The following DMRT1 variants were observed in gnomAD, a reference collection of about 807,000 sequenced individuals.
DMRT1 encodes the protein doublesex- and mab-3-related transcription factor 1.
Under a neutral mutation model 32.3 loss-of-function variants are expected in DMRT1, and 7 were observed. The ratio of observed to expected loss-of-function variants is 0.22; its 90% CI spans 0.12 to 0.41. The LOEUF (loss-of-function observed/expected upper bound fraction) is 0.41, where lower values mean the gene tolerates loss of function less well. Among genes scored for constraint, DMRT1 ranks in the 10% least tolerant of loss-of-function variants. DMRT1 has a pLI of 1.00. For synonymous variants in DMRT1, 278 were observed against 206.1 expected, an observed-to-expected ratio of 1.35 and a Z score of -2.99; for missense variants, 625 against 500.5, an observed-to-expected ratio of 1.25 and a Z score of -2.37.
rs1219583734 is a variant in DMRT1 at position 842,654 on chromosome 9, G to C, written c.354+462G>C. 3 of 157,006 alleles carry C rather than the reference G, an allele frequency of 1.9e-5. No individual in the cohort carries two copies. The East Asian group carries it at 5.7e-4, about 30-fold the overall frequency. The allele number at this position is 157,006 out of a possible 1,614,324, so 9.7% of individuals were successfully genotyped here. On this transcript the variant is annotated intron_variant, in intron 1 of 4. Transcript: ENST00000382276. ...GCGGCGCTTGGGGTCCTGGGCTCCC[G>C]GCCACGCTACATCGCCGGTCTGGGA...
intron 4 of DMRT1, among the ~76,000 whole-genome samples, chr9:930,603 T>C (rs1284208098): frequency 2.6e-5 from 4 of 151,828 alleles, no homozygotes; most frequent in Non-Finnish European, 5.9e-5. Flanking sequence ...AGAGACAGGG[T>C]TTCACCATGT....
rs1000068415 is a variant in DMRT1, at chr9:866,198, G to A, written c.538+19055G>A. Among the ~76,000 whole-genome samples the A allele has an allele frequency of 4.0e-5, 6 of 151,242 alleles. No homozygotes were observed. The South Asian group carries it at 6.3e-4, about 16-fold the overall frequency. ...AAAAAAAAAAAAAAGACAGTGGTGG[G>A]TGTTTTATAACCACACAAATACTCA... On this transcript the variant is annotated intron_variant, in intron 2 of 4. Transcript: ENST00000382276.
intron 2 of DMRT1, among the ~76,000 whole-genome samples, chr9:850,998 C>T (rs769193092): frequency 5.6e-5 from 8 of 143,734 alleles, no homozygotes; most frequent in African/African-American, 1.0e-4. Flanking sequence ...CATTGCACTC[C>T]GGCCTGGGCG....
At chr9:943,049 G>T (rs1222438426) in intron 4 of DMRT1, among the ~76,000 whole-genome samples, 2 of 151,942 alleles carry the variant, frequency 1.3e-5, no homozygotes, top group Non-Finnish European at 2.9e-5. Context: ...CTTAGTTTGG[G>T]TTTCACATAA....
At chr9:843,151 C>T (rs927010491) in intron 1 of DMRT1, among the ~76,000 whole-genome samples, 3 of 152,196 alleles carry the variant, frequency 2.0e-5, no homozygotes, top group Admixed American at 1.3e-4. Context: ...TGCTGAGTTG[C>T]ACTTAAATTA....
intron 2 of DMRT1, among the ~76,000 whole-genome samples, chr9:893,693 A>T (rs1170888208): frequency 6.6e-6 from 1 of 152,248 alleles, no homozygotes; most frequent in Non-Finnish European, 1.5e-5. Context: ...TGATACTCTC[A>T]GTAAAAACAA....
chr9:905,730 G>A (rs1054629176), intron 3 of DMRT1, among the ~76,000 whole-genome samples: 1 of 152,114 alleles, frequency 6.6e-6, no homozygotes, highest in African/African-American at 2.4e-5. Flanking sequence ...ACGCTGCTGG[G>A]CACTTCCTGT....
At chr9:894,419 T>G in intron 3 of DMRT1, 2 of 596,870 alleles carry the variant, frequency 3.4e-6, no homozygotes, top group Non-Finnish European at 3.0e-6. Flanking sequence ...ATAATGCCCT[T>G]TAGCCTCAAA....
At chr9:889,736 C>T (rs1817066860) in intron 2 of DMRT1, among the ~76,000 whole-genome samples, 1 of 151,750 alleles carries the variant, frequency 6.6e-6, no homozygotes, top group Non-Finnish European at 1.5e-5. Context: ...TGCTGGAATC[C>T]TTGGGTTTCT....
chr9:946,054 T>G (rs1481025396), intron 4 of DMRT1, among the ~76,000 whole-genome samples: 1 of 152,184 alleles, frequency 6.6e-6, no homozygotes, highest in Non-Finnish European at 1.5e-5. Flanking sequence ...AACTGGCACC[T>G]ACTATTCCAC....
intron 3 of DMRT1, among the ~76,000 whole-genome samples, chr9:898,501 G>C (rs983106291): frequency 5.9e-5 from 9 of 152,128 alleles, no homozygotes; most frequent in African/African-American, 2.2e-4. Context: ...TTCCTGGAAG[G>C]CTCTCTCACT....
At chr9:861,808 G>A (rs759199790) in intron 2 of DMRT1, among the ~76,000 whole-genome samples, 45,466 of 146,898 alleles carry the variant, frequency 0.31, 9,057 homozygotes, top group Non-Finnish European at 0.43. Context: ...TGCCGGGCGG[G>A]GGGGGGCTCC....
chr9:861,211 T>A (rs1355458116), intron 2 of DMRT1, among the ~76,000 whole-genome samples: 1 of 151,976 alleles, frequency 6.6e-6, no homozygotes, highest in Non-Finnish European at 1.5e-5. Flanking sequence ...CCTGCCGCCT[T>A]CCGTCTTCTG....
chr9:865,662 T>C (rs1352718374), intron 2 of DMRT1, among the ~76,000 whole-genome samples: 2 of 152,080 alleles, frequency 1.3e-5, no homozygotes, highest in Non-Finnish European at 2.9e-5. Context: ...ATTACATCTT[T>C]GGGTGAGGAT....
At chr9:855,612 C>A (rs4742496) in intron 2 of DMRT1, among the ~76,000 whole-genome samples, 64,527 of 152,094 alleles carry the variant, frequency 0.42, 13,877 homozygotes, top group East Asian at 0.59. Flanking sequence ...ATATTTTAAA[C>A]ATATATCTGA....
At chr9:916,631 C>T in intron 3 of DMRT1, 132 bp from the exon 4 acceptor site, 3 of 1,120,998 alleles carry the variant, frequency 2.7e-6, no homozygotes, top group Non-Finnish European at 4.0e-6. Context: ...CCTGGCCTCC[C>T]AAGGTGTCGG....
At chr9:847,186 G>A in intron 2 of DMRT1, 43 bp downstream of exon 2, 1 of 1,600,014 alleles carries the variant, frequency 6.2e-7, no homozygotes, top group Non-Finnish European at 8.5e-7. Flanking sequence ...CTGGGCATGA[G>A]GGAGGCCGAA....
intron 2 of DMRT1, among the ~76,000 whole-genome samples, chr9:868,166 A>G (rs929384847): frequency 4.6e-5 from 7 of 152,142 alleles, no homozygotes; most frequent in South Asian, 2.1e-4. Flanking sequence ...TTTTGTAGAG[A>G]TGGGGTTTTA....
chr9:886,170 C>T (rs1816919994), intron 2 of DMRT1, among the ~76,000 whole-genome samples: 1 of 152,200 alleles, frequency 6.6e-6, no homozygotes, highest in Non-Finnish European at 1.5e-5. Context: ...TGGAGACTGG[C>T]AGGAGTAATT....
Sources: gnomAD v4.1 joint callset for allele counts (sites outside exome capture counted in the v4.1 genomes callset) on GRCh38, gnomAD v4.1.1 for gene constraint, MANE v1.5 for transcripts, NCBI Gene and HGNC (gene_info 2026-07-23, HGNC 2026-07-21) for gene names.